ST6GALNAC3: variants seen among roughly 807,000 people sequenced by gnomAD.
ST6GALNAC3 encodes the protein ST6 N-acetylgalactosaminide alpha-2,6-sialyltransferase 3, also known as alpha-N-acetylgalactosaminide alpha-2,6-sialyltransferase 3.
In ST6GALNAC3, 25 loss-of-function variants were observed where a neutral mutation model predicts 32.7. That is an observed-to-expected ratio of 0.76 (90% CI 0.56 to 1.07). ST6GALNAC3 has a LOEUF of 1.07. ST6GALNAC3 is among the 50% of genes least tolerant of loss of function. ST6GALNAC3 has a pLI of 0.00. For missense variants in ST6GALNAC3, 355 were observed against 382.4 expected (o/e 0.93, Z 0.60); for synonymous variants, 129 against 133.1 (o/e 0.97, Z 0.21).
intron 3 of ST6GALNAC3, among the ~76,000 whole-genome samples, chr1:76,613,719 G>A (rs1266580582): frequency 2.0e-5 from 3 of 152,196 alleles, no homozygotes; most frequent in Non-Finnish European, 2.9e-5. Context: ...TCTTCTTCCT[G>A]CTCTGGCCAC....
intron 3 of ST6GALNAC3, among the ~76,000 whole-genome samples, chr1:76,599,611 T>A (rs1174942241): frequency 6.6e-6 from 1 of 152,112 alleles, no homozygotes; most frequent in Non-Finnish European, 1.5e-5. Context: ...TGTCTACATG[T>A]GAAAAATCAA....
At chr1:76,463,690 G>T (rs542463563) in intron 3 of ST6GALNAC3, among the ~76,000 whole-genome samples, 6 of 152,054 alleles carry the variant, frequency 3.9e-5, no homozygotes, top group Non-Finnish European at 5.9e-5. Flanking sequence ...CTTTCCTACC[G>T]CAGGGTTTGG....
intron 3 of ST6GALNAC3, among the ~76,000 whole-genome samples, chr1:76,531,494 A>ACCCGCCTGCT (rs1663253569): frequency 6.6e-6 from 1 of 152,186 alleles, no homozygotes; most frequent in African/African-American, 2.4e-5. Context: ...TGGTTGTATG[A>ACCCGCCTGCT]CAAAGCTGCC....
intron 1 of ST6GALNAC3, among the ~76,000 whole-genome samples, chr1:76,210,329 C>G (rs935392032): frequency 2.6e-5 from 4 of 152,108 alleles, no homozygotes; most frequent in African/African-American, 7.2e-5. Flanking sequence ...TTTTCCTTCC[C>G]CATGTGAACC....
intron 3 of ST6GALNAC3, among the ~76,000 whole-genome samples, chr1:76,614,007 A>G (rs897625273): frequency 2.6e-5 from 4 of 152,236 alleles, no homozygotes; most frequent in Admixed American, 2.6e-4. Flanking sequence ...ATCATCGTTG[A>G]GAAAACATCA....
At chr1:76,614,718 C>CAAAAAAAAA (rs55744575) in intron 3 of ST6GALNAC3, among the ~76,000 whole-genome samples, 50 of 67,520 alleles carry the variant, frequency 7.4e-4, no homozygotes, top group African/African-American at 2.7e-3. Flanking sequence ...GACTCCATCT[C>CAAAAAAAAA]AAAAAAAAAA....
intron 1 of ST6GALNAC3, among the ~76,000 whole-genome samples, chr1:76,166,651 T>G (rs1404788300): frequency 1.3e-5 from 2 of 152,182 alleles, no homozygotes; most frequent in Non-Finnish European, 2.9e-5. Flanking sequence ...GTTTTTCCAT[T>G]TATTTGTGTT....
intron 3 of ST6GALNAC3, among the ~76,000 whole-genome samples, chr1:76,559,946 C>G (rs1045405948): frequency 3.9e-5 from 6 of 152,074 alleles, no homozygotes; most frequent in African/African-American, 1.4e-4. Flanking sequence ...GCATAAAGAT[C>G]ATCCTAAAAG....
At chr1:76,135,028 G>C (rs1001024252) in intron 1 of ST6GALNAC3, among the ~76,000 whole-genome samples, 52 of 152,010 alleles carry the variant, frequency 3.4e-4, no homozygotes, top group Admixed American at 4.6e-4. Context: ...TGTAATCCCA[G>C]CTACTTGGAG....
At chr1:76,127,465 T>C (rs1281606412) in intron 1 of ST6GALNAC3, among the ~76,000 whole-genome samples, 1 of 152,210 alleles carries the variant, frequency 6.6e-6, no homozygotes, top group Non-Finnish European at 1.5e-5. Flanking sequence ...GGAAATAAAG[T>C]GAAGGTTCTG....
chr1:76,092,603 C>T (rs564753920), intron 1 of ST6GALNAC3, among the ~76,000 whole-genome samples: 6 of 152,254 alleles, frequency 3.9e-5, no homozygotes, highest in East Asian at 3.9e-4. Context: ...GGGATGGCTT[C>T]GTGGCATGTG....
At chr1:76,341,446 C>T (rs35300379) in intron 2 of ST6GALNAC3, among the ~76,000 whole-genome samples, 5,614 of 152,120 alleles carry the variant, frequency 0.037, 136 homozygotes, top group African/African-American at 0.045. Flanking sequence ...TTTTCTTTGT[C>T]TAATCCACTG....
chr1:76,411,429 G>T (rs1016283745), intron 2 of ST6GALNAC3, among the ~76,000 whole-genome samples: 7 of 152,092 alleles, frequency 4.6e-5, no homozygotes, highest in Non-Finnish European at 1.0e-4. Flanking sequence ...TTAATATGAT[G>T]ACTTGAGGGA....
chr1:76,111,322 C>T (rs568517982), intron 1 of ST6GALNAC3, among the ~76,000 whole-genome samples: 89 of 152,072 alleles, frequency 5.9e-4, no homozygotes, highest in Non-Finnish European at 1.1e-3. Flanking sequence ...AAACTGTAGA[C>T]GTCTTAGTGA....
intron 2 of ST6GALNAC3, among the ~76,000 whole-genome samples, chr1:76,390,946 A>ATTTTTTTTT (rs58114434): frequency 8.3e-6 from 1 of 120,982 alleles, no homozygotes; most frequent in Non-Finnish European, 1.9e-5. Flanking sequence ...ATATATATGT[A>ATTTTTTTTT]TTTTTTTTTT....
At chr1:76,374,309 G>A (rs899655811) in intron 2 of ST6GALNAC3, among the ~76,000 whole-genome samples, 9 of 152,278 alleles carry the variant, frequency 5.9e-5, no homozygotes, top group East Asian at 1.9e-4. Context: ...GTTGTACTCC[G>A]TCTAATTTGT....
At chr1:76,360,698 A>G (rs976841570) in intron 2 of ST6GALNAC3, among the ~76,000 whole-genome samples, 1 of 152,170 alleles carries the variant, frequency 6.6e-6, no homozygotes, top group Non-Finnish European at 1.5e-5. Context: ...GCTCTGCAGT[A>G]TATTGTGTAT....
intron 1 of ST6GALNAC3, among the ~76,000 whole-genome samples, chr1:76,146,695 C>A (rs181399304): frequency 6.6e-6 from 1 of 152,202 alleles, no homozygotes; most frequent in Non-Finnish European, 1.5e-5. Flanking sequence ...TTCCACCCCC[C>A]TCACCGCTAA....
intron 2 of ST6GALNAC3, among the ~76,000 whole-genome samples, chr1:76,330,251 C>G (rs111805593): frequency 0.039 from 5,880 of 152,200 alleles, 124 homozygotes; most frequent in African/African-American, 0.062. Flanking sequence ...CTCCTAGGTT[C>G]AAGTGATTCT....
Sources: gnomAD v4.1 joint callset for allele counts (sites outside exome capture counted in the v4.1 genomes callset) on GRCh38, gnomAD v4.1.1 for gene constraint, MANE v1.5 for transcripts, NCBI Gene and HGNC (gene_info 2026-07-23, HGNC 2026-07-21) for gene names.